Variants in FSTL5 observed in about 807,000 individuals in gnomAD.
FSTL5 encodes the protein follistatin like 5.
A neutral mutation model predicts 89.1 loss-of-function variants in FSTL5; 62 were observed. That is an observed-to-expected ratio of 0.70 (90% CI 0.57 to 0.86). The LOEUF (loss-of-function observed/expected upper bound fraction) is 0.86. Among genes scored for constraint, FSTL5 ranks in the 40% least tolerant of loss-of-function variants. The pLI, the probability that FSTL5 is intolerant of heterozygous loss-of-function variation, is 0.00. For synonymous variants in FSTL5, 383 were observed against 346.2 expected (o/e 1.11, Z -1.18); for missense variants, 1,057 against 1,001.6 (o/e 1.06, Z -0.75).
In FSTL5 at chr4:162,033,605, T is replaced by G. The variant is rs1737620228; in HGVS notation, c.160+20A>C. 7.2e-7 allele frequency: 1 copy of G among 1,381,508 alleles called. No homozygotes were observed. The highest frequency in any genetic ancestry group is 1.5e-5 in the African/African-American group (1 of 68,900). 85.6% of individuals were successfully genotyped at this position (1,381,508 alleles called of 1,614,324 possible). On this transcript the variant is annotated intron_variant, in intron 3 of 15. Transcript: ENST00000306100. ...GTTATGAACTTATATAATTGTTATC[T>G]TAAAGCAATCATTTCTTACCTTTGA... is the stretch of plus-strand genomic sequence containing the variant.
intron 7 of FSTL5, among the ~76,000 whole-genome samples, chr4:161,646,055 A>T (rs1398771413): frequency 1.3e-5 from 2 of 150,906 alleles, no homozygotes; most frequent in African/African-American, 4.8e-5. Context: ...CTAAAATGTT[A>T]AAAAAAATTT....
chr4:161,854,797 A>G (rs990697218), intron 4 of FSTL5, among the ~76,000 whole-genome samples: 1 of 152,096 alleles, frequency 6.6e-6, no homozygotes, highest in East Asian at 1.9e-4. Flanking sequence ...TTATATATAT[A>G]TACCTTTACT....
At chr4:162,091,110 T>C (rs955843463) in intron 2 of FSTL5, among the ~76,000 whole-genome samples, 5 of 152,164 alleles carry the variant, frequency 3.3e-5, no homozygotes, top group African/African-American at 7.2e-5. Context: ...ATACATTTAC[T>C]CCTTCTTCTT....
Position 161,455,028 on chromosome 4 carries a change from G to A in FSTL5, c.1817C>T (p.Thr606Ile), listed in dbSNP as rs1192023498. The A allele has an allele frequency of 3.7e-6, 6 of 1,613,390 alleles. No individual in the cohort carries two copies. The highest frequency in any genetic ancestry group is 2.5e-6 in the Non-Finnish European group (3 of 1,179,684). ...DRVDDFFIPT[T>I]TLIITHMRFG... ...CCTCATATGGGTGATAATGAGTGTT[G>A]TGGTGGGAATGAAAAAATCATCCAC... The change falls in exon 15 of 16, where the codon ACA becomes ATA. Residue 606 changes from threonine to isoleucine, a missense_variant. Transcript: ENST00000306100.
intron 3 of FSTL5, among the ~76,000 whole-genome samples, chr4:161,993,654 CAAAG>C (rs1203775430): frequency 2.0e-5 from 3 of 151,998 alleles, no homozygotes; most frequent in South Asian, 4.2e-4. Flanking sequence ...TACAGGCTCA[CAAAG>C]AAAGACTTTT....
intron 4 of FSTL5, among the ~76,000 whole-genome samples, chr4:161,877,184 GA>G (rs5863494): frequency 0.016 from 2,028 of 127,334 alleles, 53 homozygotes; most frequent in African/African-American, 0.057. Flanking sequence ...ACTCTGTCTC[GA>G]AAAAAAAAAA....
chr4:161,471,695 A>G (rs1189292389), intron 13 of FSTL5, among the ~76,000 whole-genome samples: 1 of 152,098 alleles, frequency 6.6e-6, no homozygotes, highest in Non-Finnish European at 1.5e-5. Context: ...CTTTTCTTTG[A>G]GCTATTTTTG....
intron 15 of FSTL5, among the ~76,000 whole-genome samples, chr4:161,398,088 C>T (rs1361754404): frequency 2.6e-5 from 4 of 151,926 alleles, no homozygotes; most frequent in East Asian, 1.9e-4. Flanking sequence ...TTCTGGATAA[C>T]GATTTGGCAT....
chr4:161,891,554 T>C (rs1013550038), intron 4 of FSTL5, among the ~76,000 whole-genome samples: 1 of 152,142 alleles, frequency 6.6e-6, no homozygotes, highest in South Asian at 2.1e-4. Context: ...ACCTAGTCTA[T>C]TACAATGTTT....
intron 9 of FSTL5, among the ~76,000 whole-genome samples, chr4:161,540,929 A>AGTCTCCT (rs1731800081): frequency 6.6e-6 from 1 of 151,968 alleles, no homozygotes; most frequent in Non-Finnish European, 1.5e-5. Flanking sequence ...ATTATCACCT[A>AGTCTCCT]GTCTCCTGTC....
At chr4:162,011,478 C>T (rs756257310) in intron 3 of FSTL5, among the ~76,000 whole-genome samples, 2 of 151,900 alleles carry the variant, frequency 1.3e-5, no homozygotes, top group African/African-American at 4.8e-5. Context: ...TCTCAAGGAA[C>T]CTGTGCTTGT....
In FSTL5 at chr4:161,899,601, C is replaced by T. The variant is rs534406494; in HGVS notation, c.409+20803G>A. On this transcript the variant is annotated intron_variant, in intron 4 of 15. Transcript: ENST00000306100. ...CTAGTGCTTATTTACTGCATATCTA[C>T]TATGTGTCAGATATTATTCTAGGAT... Among the ~76,000 whole-genome samples, 7 of 152,230 alleles carry T rather than the reference C, an allele frequency of 4.6e-5. No homozygotes were observed. The South Asian group carries it at 1.4e-3, about 32-fold the overall frequency.
At chr4:161,598,299 C>T (rs111647274) in intron 7 of FSTL5, among the ~76,000 whole-genome samples, 22,813 of 151,898 alleles carry the variant, frequency 0.15, 2,019 homozygotes, top group East Asian at 0.32. Flanking sequence ...AGCTTGAACC[C>T]GGAAGGCAGA....
At chr4:161,634,751 G>T (rs1467026968) in intron 7 of FSTL5, among the ~76,000 whole-genome samples, 1 of 152,124 alleles carries the variant, frequency 6.6e-6, no homozygotes, top group Non-Finnish European at 1.5e-5. Context: ...GAGAAAAATG[G>T]GAGGACATTG....
At chr4:161,876,765 G>A (rs952803628) in intron 4 of FSTL5, among the ~76,000 whole-genome samples, 1 of 151,422 alleles carries the variant, frequency 6.6e-6, no homozygotes, top group Admixed American at 6.6e-5. Context: ...AAAATATAGA[G>A]GTTTTATTTT....
rs550858037 is a variant in FSTL5, at chr4:162,046,577, C to G, written c.127-12919G>C. On this transcript the variant is annotated intron_variant, in intron 2 of 15. Transcript: ENST00000306100. ...CCTGGTTCCAGGAGAAAATTTATGC[C>G]TGGCTAAATATTATAGCTGAAGCTA... Among the ~76,000 whole-genome samples, 6 of 151,974 alleles carry G rather than the reference C, an allele frequency of 3.9e-5. No individual in the cohort carries two copies. In the East Asian group the frequency reaches 1.2e-3, roughly 29 times the overall value.
At chr4:161,904,923 T>C (rs976431868) in intron 4 of FSTL5, among the ~76,000 whole-genome samples, 1 of 151,884 alleles carries the variant, frequency 6.6e-6, no homozygotes, top group Non-Finnish European at 1.5e-5. Context: ...TATGTATATG[T>C]ATATGTATAT....
At chr4:161,459,364 T>G in intron 13 of FSTL5, 45 bp from the exon 14 acceptor site, 1 of 1,281,058 alleles carries the variant, frequency 7.8e-7, no homozygotes, top group Non-Finnish European at 1.1e-6. Flanking sequence ...ACTAAACTAT[T>G]AGTTTAAAGC....
At chr4:161,797,188 T>A (rs896061582) in intron 4 of FSTL5, among the ~76,000 whole-genome samples, 6 of 151,696 alleles carry the variant, frequency 4.0e-5, no homozygotes, top group Non-Finnish European at 8.9e-5. Flanking sequence ...ATACTGCCTA[T>A]CTCTTTATTT....
Sources: gnomAD v4.1 joint callset for allele counts (sites outside exome capture counted in the v4.1 genomes callset) on GRCh38, gnomAD v4.1.1 for gene constraint, MANE v1.5 for transcripts, NCBI Gene and HGNC (gene_info 2026-07-23, HGNC 2026-07-21) for gene names.